The following CALD1 variants were observed in gnomAD, a reference collection of about 807,000 sequenced individuals.
CALD1 encodes the protein caldesmon 1.
Under a neutral mutation model 99.9 loss-of-function variants are expected in CALD1, and 33 were observed. That is an observed-to-expected ratio of 0.33 (90% confidence interval 0.25 to 0.44). The LOEUF (loss-of-function observed/expected upper bound fraction) is 0.44, where lower values mean the gene tolerates loss of function less well. Among genes scored for constraint, CALD1 ranks in the 20% least tolerant of loss-of-function variants. The pLI is 1.00. For missense variants in CALD1, 861 were observed against 962.1 expected (o/e 0.89, Z 1.39); for synonymous variants, 310 against 325.0 (o/e 0.95, Z 0.50).
chr7:134,920,808 G>A, intron 3 of CALD1: 1 of 631,534 alleles, frequency 1.6e-6, no homozygotes, highest in Non-Finnish European at 2.5e-6. Context: ...GGAATTTTAG[G>A]TGCAGAGTTC....
intron 1 of CALD1, among the ~76,000 whole-genome samples, chr7:134,782,040 G>A (rs1797125119): frequency 6.6e-6 from 1 of 152,166 alleles, no homozygotes; most frequent in South Asian, 2.1e-4. Context: ...TCTAGCCCAG[G>A]TATTCTCTGT....
chr7:134,859,872 C>T (rs1320415320), intron 2 of CALD1, among the ~76,000 whole-genome samples: 1 of 152,170 alleles, frequency 6.6e-6, no homozygotes, highest in African/African-American at 2.4e-5. Flanking sequence ...CTAAACTACT[C>T]AAACTGTCTG....
At chr7:134,731,864 T>C in the CALD1 span, among the ~76,000 whole-genome samples, 30 of 152,338 alleles carry the variant, frequency 2.0e-4, no homozygotes, top group East Asian at 3.5e-3. Flanking sequence ...TATTCTACAG[T>C]GTGCTGATCT....
chr7:134,738,408 G>C, the CALD1 span, among the ~76,000 whole-genome samples: 4 of 152,196 alleles, frequency 2.6e-5, no homozygotes, highest in African/African-American at 9.7e-5. Context: ...ATCAGAATTA[G>C]AGGTTCTTTC....
At chr7:134,772,925 G>A (rs1585906018) in intron 1 of CALD1, among the ~76,000 whole-genome samples, 1 of 152,216 alleles carries the variant, frequency 6.6e-6, no homozygotes, top group Non-Finnish European at 1.5e-5. Context: ...TCTATCCTGG[G>A]TTTGCATTCT....
chr7:134,735,704 A>G, the CALD1 span, among the ~76,000 whole-genome samples: 12 of 152,114 alleles, frequency 7.9e-5, no homozygotes, highest in Admixed American at 7.9e-4. Context: ...GACTTGGTTT[A>G]CACACTGTCC....
chr7:134,782,681 G>A (rs1405314843), intron 1 of CALD1, among the ~76,000 whole-genome samples: 2 of 152,202 alleles, frequency 1.3e-5, no homozygotes, highest in African/African-American at 4.8e-5. Flanking sequence ...CAAATGAGAT[G>A]AAGCTGTTTG....
chr7:134,804,171 G>A (rs964272511), intron 1 of CALD1, among the ~76,000 whole-genome samples: 16 of 152,080 alleles, frequency 1.1e-4, no homozygotes, highest in Non-Finnish European at 1.9e-4. Flanking sequence ...CGTTCAATAC[G>A]GCATCTTCCC....
intron 14 of CALD1, among the ~76,000 whole-genome samples, chr7:134,967,149 G>A (rs1017689262): frequency 7.9e-5 from 12 of 152,106 alleles, no homozygotes; most frequent in Non-Finnish European, 1.8e-4. Context: ...GATGTGGAAT[G>A]GTCAGACTCA....
intron 1 of CALD1, among the ~76,000 whole-genome samples, chr7:134,750,485 C>T (rs1796676283): frequency 6.6e-6 from 1 of 152,146 alleles, no homozygotes; most frequent in Non-Finnish European, 1.5e-5. Flanking sequence ...TGTATTTGAG[C>T]CATTTCTAGG....
At chr7:134,794,278 T>C (rs1274599878) in intron 1 of CALD1, among the ~76,000 whole-genome samples, 2 of 152,190 alleles carry the variant, frequency 1.3e-5, no homozygotes, top group Non-Finnish European at 2.9e-5. Context: ...TCTGTGTATG[T>C]GTCTAGGCTC....
the CALD1 span, among the ~76,000 whole-genome samples, chr7:134,714,652 G>A: frequency 3.3e-5 from 5 of 152,354 alleles, no homozygotes; most frequent in African/African-American, 4.8e-5. Context: ...TAGCTCATAG[G>A]CAGTTTGCTC....
chr7:134,865,446 C>G (rs1210488166), intron 2 of CALD1, among the ~76,000 whole-genome samples: 2 of 152,122 alleles, frequency 1.3e-5, no homozygotes, highest in African/African-American at 4.8e-5. Flanking sequence ...CACAAAGCCT[C>G]ACCTAGAAAA....
intron 2 of CALD1, among the ~76,000 whole-genome samples, chr7:134,863,450 T>A (rs1383383385): frequency 6.6e-6 from 1 of 152,226 alleles, no homozygotes; most frequent in Non-Finnish European, 1.5e-5. Flanking sequence ...CATGGCCTTG[T>A]CCCTAAGTGT....
At chr7:134,876,476 C>T (rs576813268) in intron 3 of CALD1, among the ~76,000 whole-genome samples, 15 of 152,126 alleles carry the variant, frequency 9.9e-5, no homozygotes, top group Non-Finnish European at 1.9e-4. Context: ...ACTTAAAAAC[C>T]GTTTATGGAT....
At chr7:134,863,645 A>G (rs1800662183) in intron 2 of CALD1, among the ~76,000 whole-genome samples, 2 of 152,258 alleles carry the variant, frequency 1.3e-5, no homozygotes, top group South Asian at 4.1e-4. Context: ...ATCACAGGAA[A>G]TATCTATAGT....
intron 1 of CALD1, among the ~76,000 whole-genome samples, chr7:134,795,901 G>T (rs1479768285): frequency 2.0e-5 from 3 of 152,200 alleles, no homozygotes; most frequent in African/African-American, 7.2e-5. Flanking sequence ...GTCATCCCCA[G>T]CCAGCCTGGA....
intron 1 of CALD1, among the ~76,000 whole-genome samples, chr7:134,815,181 G>T (rs1190791701): frequency 6.6e-6 from 1 of 152,190 alleles, no homozygotes; most frequent in Non-Finnish European, 1.5e-5. Context: ...TGCAACTCTA[G>T]CTGGCCTTTG....
chr7:134,814,810 GA>G (rs1798494430), intron 1 of CALD1, among the ~76,000 whole-genome samples: 2 of 152,150 alleles, frequency 1.3e-5, no homozygotes, highest in African/African-American at 4.8e-5. Context: ...TTGACTCCTG[GA>G]ATTAACACTC....
Sources: allele counts gnomAD v4.1 joint callset (sites outside exome capture counted in the v4.1 genomes callset), GRCh38; gene constraint gnomAD v4.1.1; transcripts MANE v1.5; gene names NCBI Gene and HGNC (gene_info 2026-07-23, HGNC 2026-07-21).